SUMF1: variants seen among roughly 807,000 people sequenced by gnomAD.
The protein encoded by SUMF1 is sulfatase modifying factor 1, also known as formylglycine-generating enzyme.
A neutral mutation model predicts 47.6 loss-of-function variants in SUMF1; 48 were observed. That is an observed-to-expected ratio of 1.01 (90% CI 0.80 to 1.28). The LOEUF is 1.28. Ranked by LOEUF, SUMF1 falls within the 50% of genes most tolerant of loss-of-function variation. The pLI is 0.00. For synonymous variants in SUMF1, 230 were observed against 192.1 expected, an observed-to-expected ratio of 1.20 and a Z score of -1.63; for missense variants, 571 against 485.4, an observed-to-expected ratio of 1.18 and a Z score of -1.66.
chr3:4,134,025 T>C (rs1288921328), intron 8 of SUMF1, among the ~76,000 whole-genome samples: 1 of 152,074 alleles, frequency 6.6e-6, no homozygotes, highest in Non-Finnish European at 1.5e-5. Flanking sequence ...AATGGGAGAC[T>C]TTAACAACCC....
At chr3:4,182,377 C>A (rs191691405) in intron 8 of SUMF1, among the ~76,000 whole-genome samples, 2 of 149,456 alleles carry the variant, frequency 1.3e-5, no homozygotes, top group Non-Finnish European at 3.0e-5. Flanking sequence ...CAAGTTATAT[C>A]TATTAATAAA....
At chr3:4,288,794 ACT>A (rs965946905) in intron 8 of SUMF1, among the ~76,000 whole-genome samples, 3 of 127,828 alleles carry the variant, frequency 2.3e-5, no homozygotes, top group Non-Finnish European at 4.8e-5. Context: ...ACAGAGCGAG[ACT>A]CTGTCTAGAA....
Position 4,362,579 on chromosome 3 carries a change from A to G in SUMF1, c.1015-325T>C, listed in dbSNP as rs115133805. 9.7e-3 allele frequency among the ~76,000 whole-genome samples: 1,476 copies of G among 152,366 alleles called. 27 individuals are homozygous for G. Among genetic ancestry groups the G allele is most frequent in the African/African-American group, 0.033 (1,387 of 41,588 alleles). Reference sequence around the variant, plus strand: ...AATAGAAAAGTAAGCAGCCATTGAAAGTCATGTCTTTACATAGTATTTAAT... The same window carrying G: ...AATAGAAAAGTAAGCAGCCATTGAAGGTCATGTCTTTACATAGTATTTAAT... On this transcript the variant is annotated intron_variant, in intron 8 of 8. Transcript: ENST00000272902.
intron 8 of SUMF1, among the ~76,000 whole-genome samples, chr3:4,202,912 G>C (rs1193169762): frequency 6.6e-6 from 1 of 151,582 alleles, no homozygotes; most frequent in Non-Finnish European, 1.5e-5. Context: ...TTGATTTCTA[G>C]TTTTATTCCA....
At chr3:4,187,362 C>G (rs992124095) in intron 8 of SUMF1, among the ~76,000 whole-genome samples, 1 of 152,104 alleles carries the variant, frequency 6.6e-6, no homozygotes, top group Non-Finnish European at 1.5e-5. Flanking sequence ...GAGTGAGACC[C>G]TGTCTATAAA....
At chr3:4,091,235 T>C (rs903380814) in intron 8 of SUMF1, among the ~76,000 whole-genome samples, 1 of 152,168 alleles carries the variant, frequency 6.6e-6, no homozygotes, top group Non-Finnish European at 1.5e-5. Flanking sequence ...CTTAGTGTTG[T>C]AGCTTCTAAG....
At chr3:4,268,028 C>T (rs929962797) in intron 8 of SUMF1, among the ~76,000 whole-genome samples, 4 of 152,062 alleles carry the variant, frequency 2.6e-5, no homozygotes, top group African/African-American at 7.2e-5. Flanking sequence ...AAATGTGGTA[C>T]ATATACAACA....
intron 7 of SUMF1, among the ~76,000 whole-genome samples, chr3:4,387,961 A>G (rs1022915938): frequency 6.6e-6 from 1 of 152,040 alleles, no homozygotes; most frequent in Non-Finnish European, 1.5e-5. Flanking sequence ...ATTTTTAAAA[A>G]TTTGTTGAGG....
intron 8 of SUMF1, among the ~76,000 whole-genome samples, chr3:4,135,018 T>C (rs1365791405): frequency 6.6e-6 from 1 of 152,104 alleles, no homozygotes; most frequent in African/African-American, 2.4e-5. Flanking sequence ...ACCAGATGGA[T>C]TCACAGCCGA....
intron 7 of SUMF1, among the ~76,000 whole-genome samples, chr3:4,390,088 C>T (rs999572377): frequency 6.6e-6 from 1 of 152,150 alleles, no homozygotes; most frequent in Non-Finnish European, 1.5e-5. Context: ...TATTAACACC[C>T]TGTTTTAGCT....
intron 8 of SUMF1, among the ~76,000 whole-genome samples, chr3:4,319,136 A>C (rs921762013): frequency 1.3e-5 from 2 of 152,238 alleles, no homozygotes; most frequent in Non-Finnish European, 2.9e-5. Flanking sequence ...GTGGAGCAAC[A>C]GGAACTCTTC....
chr3:4,143,100 G>T (rs1193452984), intron 8 of SUMF1, among the ~76,000 whole-genome samples: 2 of 152,126 alleles, frequency 1.3e-5, no homozygotes, highest in Non-Finnish European at 2.9e-5. Flanking sequence ...TGCAAGGCTG[G>T]TAGAGGGGAA....
chr3:4,250,423 G>A (rs745540625), intron 8 of SUMF1, among the ~76,000 whole-genome samples: 1 of 152,142 alleles, frequency 6.6e-6, no homozygotes, highest in Non-Finnish European at 1.5e-5. Context: ...ACATGAAAGT[G>A]CAAGGTGAAG....
At position 4,420,128 on chromosome 3, in the gene SUMF1, A is replaced by G; in HGVS notation, c.538T>C (p.Trp180Arg). The change falls in exon 4 of 9, where the codon TGG (tryptophan) becomes CGG (arginine). Residue 180 changes from tryptophan to arginine, a missense_variant. Transcript: ENST00000272902. Reference protein sequence around the residue: ...IQQAVAAAPWWLPVKGANWRH... With the variant: ...IQQAVAAAPWRLPVKGANWRH... ...CAGTTAGCGCCTTTCACAGGTAACC[A>G]CCAGGGAGCAGCTGCAACCTCAAAG... is the stretch of plus-strand genomic sequence containing the variant. The G allele has an allele frequency of 6.2e-7, 1 of 1,614,062 alleles. No homozygotes were observed. Among genetic ancestry groups the G allele is most frequent in the Non-Finnish European group, 8.5e-7 (1 of 1,180,000 alleles).
rs1559525318 is a variant in SUMF1 at position 4,163,385 on chromosome 3, AGGGAGGGAGGGAGGGAGGGAGGGAGGG to A, written c.1015-94667_1015-94641del. On this transcript the variant is annotated intron_variant and NMD_transcript_variant, in intron 8 of 12. Transcript: ENST00000448413. ...GAGAAAGGAAGGAAGGAAGGAAGGG[AGGGAGGGAGGGAGGGAGGGAGGGAGGG>A]AGGGAGGGAGGGAGGGAGGGAGGAT... is the stretch of plus-strand genomic sequence containing the variant. 9.3e-3 allele frequency among the ~76,000 whole-genome samples: 281 copies of A among 30,118 alleles called. 20 individuals are homozygous for A. The highest frequency in any genetic ancestry group is 0.031 in the Middle Eastern group (1 of 32). 19.8% of individuals were successfully genotyped at this position (30,118 alleles called of 152,430 possible).
intron 8 of SUMF1, among the ~76,000 whole-genome samples, chr3:4,310,985 G>T (rs186657636): frequency 6.6e-6 from 1 of 152,200 alleles, no homozygotes; most frequent in Admixed American, 6.5e-5. Context: ...AACAGCAGTC[G>T]TTGAGTTTGA....
At chr3:4,167,586 C>A (rs1262995857) in intron 8 of SUMF1, among the ~76,000 whole-genome samples, 2 of 152,082 alleles carry the variant, frequency 1.3e-5, no homozygotes, top group Non-Finnish European at 2.9e-5. Flanking sequence ...CTCTTGCTAG[C>A]TACAGAGCGC....
At chr3:4,217,775 A>G (rs1014957197) in intron 8 of SUMF1, among the ~76,000 whole-genome samples, 2 of 151,266 alleles carry the variant, frequency 1.3e-5, no homozygotes, top group Non-Finnish European at 2.9e-5. Flanking sequence ...AAACACAAGA[A>G]AAGAATAAGA....
chr3:4,283,841 T>C (rs946047911), intron 8 of SUMF1, among the ~76,000 whole-genome samples: 8 of 152,142 alleles, frequency 5.3e-5, no homozygotes, highest in African/African-American at 1.7e-4. Flanking sequence ...TGGCGTCTGG[T>C]AAGGGATCAC....
Sources: allele counts gnomAD v4.1 joint callset (sites outside exome capture counted in the v4.1 genomes callset), GRCh38; gene constraint gnomAD v4.1.1; transcripts MANE v1.5; gene names NCBI Gene and HGNC (gene_info 2026-07-23, HGNC 2026-07-21).